The following POLR3B variants were observed in gnomAD, a reference collection of about 807,000 sequenced individuals.
The protein encoded by POLR3B is DNA-directed RNA polymerase III subunit RPC2.
Under a neutral mutation model 147.4 loss-of-function variants are expected in POLR3B, and 96 were observed. The observed-to-expected ratio is 0.65, with a 90% CI of 0.55 to 0.77. The LOEUF is 0.77. Ranked by LOEUF, POLR3B falls within the 30% of genes least tolerant of loss-of-function variation. The pLI, the probability that POLR3B is intolerant of heterozygous loss-of-function variation, is 0.00. For missense variants in POLR3B, 1,036 were observed against 1,413.5 expected, an observed-to-expected ratio of 0.73 and a Z score of 4.28; for synonymous variants, 461 against 485.9, an observed-to-expected ratio of 0.95 and a Z score of 0.67.
chr12:106,491,525 C>T (rs1356539576), intron 23 of POLR3B, among the ~76,000 whole-genome samples: 2 of 152,204 alleles, frequency 1.3e-5, no homozygotes, highest in African/African-American at 4.8e-5. Context: ...CATCATTTCA[C>T]CATTCAGTGT....
intron 9 of POLR3B, among the ~76,000 whole-genome samples, chr12:106,387,841 A>G (rs888313337): frequency 2.0e-5 from 3 of 152,240 alleles, no homozygotes; most frequent in Admixed American, 6.5e-5. Flanking sequence ...TGCTGTGAAG[A>G]GCAAACAGGA....
At chr12:106,442,397 C>T (rs2037663946) in intron 18 of POLR3B, among the ~76,000 whole-genome samples, 1 of 152,100 alleles carries the variant, frequency 6.6e-6, no homozygotes, top group African/African-American at 2.4e-5. Flanking sequence ...CTGTTTTCTT[C>T]TAGACTATAA....
intron 18 of POLR3B, among the ~76,000 whole-genome samples, chr12:106,440,698 C>A (rs1361453204): frequency 6.6e-6 from 1 of 151,760 alleles, no homozygotes; most frequent in East Asian, 1.9e-4. Flanking sequence ...AGTAGAAACT[C>A]TTATCTCTAT....
chr12:106,495,897 G>A (rs1353060516), intron 23 of POLR3B, 158 bp from the exon 24 acceptor site: 7 of 741,554 alleles, frequency 9.4e-6, no homozygotes, highest in Admixed American at 5.4e-5. Context: ...TTGTCAAGCA[G>A]GATTGTTGAA....
chr12:106,482,391 C>T (rs1273627776), intron 23 of POLR3B, among the ~76,000 whole-genome samples: 1 of 152,090 alleles, frequency 6.6e-6, no homozygotes, highest in Non-Finnish European at 1.5e-5. Flanking sequence ...TTAACTGGCT[C>T]ACAACTCTGC....
chr12:106,409,102 T>C (rs2037187047), intron 11 of POLR3B, among the ~76,000 whole-genome samples: 1 of 152,154 alleles, frequency 6.6e-6, no homozygotes, highest in East Asian at 1.9e-4. Flanking sequence ...ATTGAAAATT[T>C]TGTTAGTGAA....
intron 27 of POLR3B, among the ~76,000 whole-genome samples, chr12:106,505,752 T>G (rs1471253967): frequency 6.6e-6 from 1 of 152,168 alleles, no homozygotes; most frequent in Non-Finnish European, 1.5e-5. Flanking sequence ...ATAGCATTCA[T>G]TGCTGGGGTT....
At chr12:106,477,891 CTTTTTTTTTTTTT>C (rs34915594) in intron 23 of POLR3B, among the ~76,000 whole-genome samples, 9 of 70,478 alleles carry the variant, frequency 1.3e-4, no homozygotes, top group African/African-American at 3.9e-4. Flanking sequence ...GGCTCCTCCC[CTTTTTTTTTTTTT>C]TTTTTTTTTT....
intron 25 of POLR3B, among the ~76,000 whole-genome samples, chr12:106,500,392 G>A (rs1294515481): frequency 6.6e-6 from 1 of 152,146 alleles, no homozygotes; most frequent in Non-Finnish European, 1.5e-5. Flanking sequence ...TGTGTGCCAG[G>A]CAGGGTCACA....
intron 23 of POLR3B, among the ~76,000 whole-genome samples, chr12:106,468,512 C>G (rs1238546233): frequency 6.6e-6 from 1 of 152,136 alleles, no homozygotes; most frequent in Non-Finnish European, 1.5e-5. Flanking sequence ...TCTTGCTTCT[C>G]TAGTTCTTTT....
chr12:106,403,816 G>C lies in POLR3B; in HGVS notation c.847-2041G>C, dbSNP rs572108183. ...CACACACCGGGGACTGTTGTGGGGTGGGGGGAGGGGGGAGGGATAGCATTG... is the reference window on the plus strand; with the variant it reads ...CACACACCGGGGACTGTTGTGGGGTCGGGGGAGGGGGGAGGGATAGCATTG... On this transcript the variant is annotated intron_variant, in intron 10 of 27. Coordinates refer to ENST00000228347, the MANE Select transcript of POLR3B (RefSeq NM_018082.6). Among the ~76,000 whole-genome samples the C allele has an allele frequency of 6.7e-3, 755 of 112,536 alleles. 12 individuals are homozygous for C. The highest frequency in any genetic ancestry group is 0.024 in the African/African-American group (723 of 29,932). The allele number at this position is 112,536 out of a possible 152,430, so 73.8% of individuals were successfully genotyped here. A position where few individuals can be genotyped will look rare whatever the true frequency, so the allele number is the denominator to read the frequency against.
At chr12:106,433,267 C>T (rs1412023371) in intron 15 of POLR3B, among the ~76,000 whole-genome samples, 1 of 152,206 alleles carries the variant, frequency 6.6e-6, no homozygotes, top group Non-Finnish European at 1.5e-5. Context: ...CTCCCGCTAA[C>T]CTTGGGAAGC....
intron 13 of POLR3B, among the ~76,000 whole-genome samples, chr12:106,427,672 C>T (rs150632873): frequency 9.9e-5 from 15 of 152,196 alleles, no homozygotes; most frequent in African/African-American, 2.9e-4. Context: ...GTAAAATTGA[C>T]GCATTTCAGG....
At chr12:106,482,321 C>A (rs1294124915) in intron 23 of POLR3B, among the ~76,000 whole-genome samples, 2 of 152,094 alleles carry the variant, frequency 1.3e-5, no homozygotes, top group East Asian at 3.9e-4. Context: ...GTGTGTTATT[C>A]CATTCTCACA....
intron 8 of POLR3B, among the ~76,000 whole-genome samples, chr12:106,378,803 G>A (rs1474331345): frequency 6.6e-6 from 1 of 152,096 alleles, no homozygotes; most frequent in African/African-American, 2.4e-5. Context: ...CTGTATCATG[G>A]ACTTAACACC....
At chr12:106,367,672 G>T (rs769076810) in intron 4 of POLR3B, among the ~76,000 whole-genome samples, 1 of 152,002 alleles carries the variant, frequency 6.6e-6, no homozygotes, top group Non-Finnish European at 1.5e-5. Context: ...TTCGTATTGG[G>T]GTTACAGATG....
At chr12:106,399,495 T>C (rs569550266) in intron 10 of POLR3B, among the ~76,000 whole-genome samples, 5 of 152,172 alleles carry the variant, frequency 3.3e-5, no homozygotes, top group East Asian at 3.9e-4. Flanking sequence ...AGATACTCCT[T>C]GAGAAGAGCA....
chr12:106,362,128 A>G (rs1407683602), intron 1 of POLR3B, among the ~76,000 whole-genome samples: 1 of 152,076 alleles, frequency 6.6e-6, no homozygotes, highest in Non-Finnish European at 1.5e-5. Flanking sequence ...TTTTTTTTTA[A>G]TGGGAGGATT....
intron 22 of POLR3B, 44 bp from the exon 23 acceptor site, chr12:106,463,434 G>C: frequency 6.3e-7 from 1 of 1,576,690 alleles, no homozygotes; most frequent in Non-Finnish European, 8.7e-7. Flanking sequence ...GTTCACAAAG[G>C]GCAGTTTGAA....
Sources: allele counts gnomAD v4.1 joint callset (sites outside exome capture counted in the v4.1 genomes callset), GRCh38; gene constraint gnomAD v4.1.1; transcripts MANE v1.5; gene names NCBI Gene and HGNC (gene_info 2026-07-23, HGNC 2026-07-21).